The following DUSP10 variants were observed in gnomAD, a reference collection of about 807,000 sequenced individuals.
DUSP10 encodes dual specificity phosphatase 10.
A neutral mutation model predicts 30.8 loss-of-function variants in DUSP10; 14 were observed. The ratio of observed to expected loss-of-function variants is 0.46; its 90% CI spans 0.30 to 0.71. The LOEUF (loss-of-function observed/expected upper bound fraction) is 0.71, where lower values mean the gene tolerates loss of function less well. Among genes scored for constraint, DUSP10 ranks in the 30% least tolerant of loss-of-function variants. DUSP10 has a pLI of 0.08. For missense variants in DUSP10, 550 were observed against 619.4 expected (o/e 0.89, Z 1.19); for synonymous variants, 254 against 250.4 (o/e 1.01, Z -0.14).
Position 221,731,046 on chromosome 1 carries a change from C to T in DUSP10, c.811+7888G>A, listed in dbSNP as rs1661575039. On this transcript the variant is annotated intron_variant, in intron 2 of 3. Transcript: ENST00000366899. ...TGAAATTCAGGCTACAGGTCATACT[C>T]ATTTTCTCTTCCTATATTTTTCTGA... 3.3e-5 allele frequency among the ~76,000 whole-genome samples: 5 copies of T among 152,240 alleles called. No individual in the cohort carries two copies. In the South Asian group the frequency reaches 1.0e-3, roughly 32 times the overall value.
At chr1:221,730,159 G>A (rs967037536) in intron 2 of DUSP10, among the ~76,000 whole-genome samples, 8 of 151,638 alleles carry the variant, frequency 5.3e-5, no homozygotes, top group African/African-American at 1.9e-4. Flanking sequence ...CAATGGTAGT[G>A]AAGCTCAGGG....
At chr1:221,736,072 T>C (rs1661758488) in intron 2 of DUSP10, among the ~76,000 whole-genome samples, 1 of 152,204 alleles carries the variant, frequency 6.6e-6, no homozygotes, top group Admixed American at 6.5e-5. Context: ...GGGAGGGCAC[T>C]GTAAATTAGA....
intron 2 of DUSP10, among the ~76,000 whole-genome samples, chr1:221,724,307 G>A (rs1248804898): frequency 2.6e-5 from 4 of 151,590 alleles, no homozygotes; most frequent in African/African-American, 9.7e-5. Context: ...GGCAACATTT[G>A]ATAGACATGG....
At chr1:221,711,984 A>G (rs1038673306) in intron 2 of DUSP10, among the ~76,000 whole-genome samples, 1 of 152,238 alleles carries the variant, frequency 6.6e-6, no homozygotes, top group East Asian at 1.9e-4. Flanking sequence ...GAGTCACTTC[A>G]TAAGTTTCAG....
At chr1:221,728,764 A>G (rs558919527) in intron 2 of DUSP10, among the ~76,000 whole-genome samples, 52 of 152,248 alleles carry the variant, frequency 3.4e-4, no homozygotes, top group Non-Finnish European at 6.2e-4. Context: ...GGATGTAGTC[A>G]TCATACTCGT....
In DUSP10 at chr1:221,721,428, T is replaced by C. The variant is rs530280844; in HGVS notation, c.812-14962A>G. On this transcript the variant is annotated intron_variant, in intron 2 of 3. Transcript: ENST00000366899. ...AAACATTTTCAGAACACACTGAAGA[T>C]TGAGCTGAACAATGCCATCCAGCTG... Among the ~76,000 whole-genome samples, 83 of 152,342 alleles carry C rather than the reference T, an allele frequency of 5.4e-4. 1 individual carries two copies. In the South Asian group the frequency reaches 0.016, roughly 29 times the overall value.
chr1:221,708,598 T>C (rs558817929), intron 2 of DUSP10, among the ~76,000 whole-genome samples: 3 of 152,350 alleles, frequency 2.0e-5, no homozygotes, highest in East Asian at 3.9e-4. Flanking sequence ...TTACATATGA[T>C]AGTTTATTCT....
intron 2 of DUSP10, chr1:221,737,147 A>G: frequency 1.0e-6 from 1 of 985,470 alleles, no homozygotes. Context: ...AATAGAGAGT[A>G]GGGTCTGCAA....
At chr1:221,740,443 G>A (rs990580453) in intron 1 of DUSP10, among the ~76,000 whole-genome samples, 1 of 152,134 alleles carries the variant, frequency 6.6e-6, no homozygotes, top group African/African-American at 2.4e-5. Flanking sequence ...TTGTCTTTTG[G>A]CCTCTTATAA....
intron 2 of DUSP10, among the ~76,000 whole-genome samples, chr1:221,723,769 C>CA (rs1661343963): frequency 6.6e-6 from 1 of 152,228 alleles, no homozygotes; most frequent in African/African-American, 2.4e-5. Context: ...AATCAGGACA[C>CA]ATTGCCCTGC....
chr1:221,716,352 A>G (rs61820082), intron 2 of DUSP10, among the ~76,000 whole-genome samples: 34,261 of 152,058 alleles, frequency 0.23, 4,989 homozygotes, highest in African/African-American at 0.41. Context: ...AACCACCTGA[A>G]GACAGGTTGT....
intron 2 of DUSP10, among the ~76,000 whole-genome samples, chr1:221,733,373 T>C (rs1199964929): frequency 2.0e-5 from 3 of 152,338 alleles, no homozygotes; most frequent in South Asian, 4.1e-4. Flanking sequence ...TCAGTTTCCT[T>C]CCCCTGCTTT....
At chr1:221,727,737 A>G (rs1661465781) in intron 2 of DUSP10, among the ~76,000 whole-genome samples, 2 of 152,200 alleles carry the variant, frequency 1.3e-5, no homozygotes, top group African/African-American at 2.4e-5. Context: ...CTTTCTTAAA[A>G]TTGATTACTT....
At chr1:221,714,270 G>T (rs1363361440) in intron 2 of DUSP10, among the ~76,000 whole-genome samples, 1 of 152,188 alleles carries the variant, frequency 6.6e-6, no homozygotes, top group South Asian at 2.1e-4. Context: ...CAGATAGTGA[G>T]GGTACAGAAG....
At chr1:221,737,348 G>T (rs1661807582) in intron 2 of DUSP10, 1 of 985,262 alleles carries the variant, frequency 1.0e-6, no homozygotes, top group African/African-American at 1.7e-5. Flanking sequence ...TATTACAAAT[G>T]GGAAATTCCT....
chr1:221,703,007 T>C (rs1660651293), intron 3 of DUSP10, among the ~76,000 whole-genome samples: 2 of 152,164 alleles, frequency 1.3e-5, no homozygotes, highest in African/African-American at 4.8e-5. Flanking sequence ...AACTTTCACG[T>C]TGAACAAGCT....
intron 2 of DUSP10, among the ~76,000 whole-genome samples, chr1:221,724,104 G>A (rs1661353508): frequency 6.6e-6 from 1 of 152,210 alleles, no homozygotes; most frequent in Non-Finnish European, 1.5e-5. Context: ...CCCAGGAACT[G>A]AGGACAACGG....
chr1:221,707,267 C>T (rs1334319027), intron 2 of DUSP10, among the ~76,000 whole-genome samples: 1 of 152,158 alleles, frequency 6.6e-6, no homozygotes, highest in Non-Finnish European at 1.5e-5. Flanking sequence ...AAAGACAAGC[C>T]AGGGTGGGGT....
chr1:221,724,064 C>T (rs1408281859), intron 2 of DUSP10, among the ~76,000 whole-genome samples: 5 of 152,198 alleles, frequency 3.3e-5, no homozygotes, highest in South Asian at 4.1e-4. Context: ...TCCTAACACT[C>T]GGGGAGTTCC....
Sources: gnomAD v4.1 joint callset for allele counts (sites outside exome capture counted in the v4.1 genomes callset) on GRCh38, gnomAD v4.1.1 for gene constraint, MANE v1.5 for transcripts, NCBI Gene and HGNC (gene_info 2026-07-23, HGNC 2026-07-21) for gene names.